The following CSMD1 variants were observed in gnomAD, a reference collection of about 807,000 sequenced individuals.
CSMD1 encodes the protein CUB and Sushi multiple domains 1.
In CSMD1, 213 loss-of-function variants were observed where a neutral mutation model predicts 417.5. That is an observed-to-expected ratio of 0.51 (90% CI 0.46 to 0.57). CSMD1 has a LOEUF of 0.57. Among genes scored for constraint, CSMD1 ranks in the 20% least tolerant of loss-of-function variants. CSMD1 has a pLI of 0.00. For missense variants in CSMD1, 6,923 were observed against 4,529.7 expected, an observed-to-expected ratio of 1.53 and a Z score of -15.17; for synonymous variants, 2,862 against 1,736.8, an observed-to-expected ratio of 1.65 and a Z score of -16.11.
At chr8:4,262,503 G>T (rs1803958838) in intron 3 of CSMD1, among the ~76,000 whole-genome samples, 1 of 152,076 alleles carries the variant, frequency 6.6e-6, no homozygotes, top group Non-Finnish European at 1.5e-5. Context: ...TTTGCTGGTG[G>T]GCTGATTTTT....
intron 12 of CSMD1, among the ~76,000 whole-genome samples, chr8:3,439,281 GTATATATA>G (rs1168340584): frequency 7.4e-5 from 4 of 54,334 alleles, no homozygotes; most frequent in Admixed American, 7.3e-4. Context: ...GGCAATGTCA[GTATATATA>G]TATATATATA....
At chr8:4,047,657 G>C (rs1798218182) in intron 3 of CSMD1, among the ~76,000 whole-genome samples, 1 of 151,968 alleles carries the variant, frequency 6.6e-6, no homozygotes. Context: ...AGTATATTTG[G>C]GGCATGCAGA....
intron 7 of CSMD1, among the ~76,000 whole-genome samples, chr8:3,632,701 C>G (rs1489903986): frequency 1.3e-5 from 2 of 152,152 alleles, no homozygotes; most frequent in East Asian, 3.9e-4. Context: ...TATTTAGGCA[C>G]AGGAATGACT....
intron 10 of CSMD1, among the ~76,000 whole-genome samples, chr8:3,548,181 C>G (rs1798756634): frequency 6.6e-6 from 1 of 152,098 alleles, no homozygotes; most frequent in Admixed American, 6.5e-5. Context: ...TTCCTGCAAC[C>G]TAGGATTCCT....
chr8:4,452,394 G>A (rs533565095), intron 2 of CSMD1, among the ~76,000 whole-genome samples: 1 of 152,166 alleles, frequency 6.6e-6, no homozygotes, highest in Non-Finnish European at 1.5e-5. Context: ...TCGAGGGCTT[G>A]GGGTTCAGAG....
intron 1 of CSMD1, among the ~76,000 whole-genome samples, chr8:4,973,536 C>T (rs1211778321): frequency 6.6e-6 from 1 of 152,104 alleles, no homozygotes; most frequent in Non-Finnish European, 1.5e-5. Context: ...CTACAGTTTA[C>T]TTCAGCTTAA....
chr8:3,895,050 T>C (rs1807262966), intron 5 of CSMD1, among the ~76,000 whole-genome samples: 2 of 152,180 alleles, frequency 1.3e-5, no homozygotes, highest in African/African-American at 4.8e-5. Flanking sequence ...TTGAATGGTA[T>C]AGGTGGAGTA....
intron 2 of CSMD1, among the ~76,000 whole-genome samples, chr8:4,588,577 CAGATCGAGACCAT>C (rs1037760249): frequency 3.3e-5 from 5 of 151,664 alleles, no homozygotes; most frequent in African/African-American, 9.7e-5. Context: ...GGCGGATCAG[CAGATCGAGACCAT>C]CCTGGTTAAC....
intron 10 of CSMD1, among the ~76,000 whole-genome samples, chr8:3,522,423 C>A (rs918783330): frequency 2.0e-5 from 3 of 152,096 alleles, no homozygotes; most frequent in African/African-American, 7.2e-5. Context: ...TTTGTATCTA[C>A]CAGCAGCTTC....
At chr8:4,085,090 A>C (rs1800350247) in intron 3 of CSMD1, among the ~76,000 whole-genome samples, 1 of 152,166 alleles carries the variant, frequency 6.6e-6, no homozygotes, top group Non-Finnish European at 1.5e-5. Context: ...TTTATAAATC[A>C]GGGAATATTG....
At chr8:3,022,999 G>A (rs74495891) in intron 51 of CSMD1, among the ~76,000 whole-genome samples, 18,443 of 152,230 alleles carry the variant, frequency 0.12, 1,448 homozygotes, top group East Asian at 0.26. Context: ...GATGTTAGCT[G>A]GGCATTGACT....
At chr8:3,652,969 C>A (rs11783239) in intron 7 of CSMD1, among the ~76,000 whole-genome samples, 7,670 of 152,212 alleles carry the variant, frequency 0.05, 250 homozygotes, top group South Asian at 0.084. Context: ...TGACTGCTTT[C>A]AAGTATAATT....
At chr8:3,729,534 G>A (rs527255864) in intron 6 of CSMD1, among the ~76,000 whole-genome samples, 1 of 152,164 alleles carries the variant, frequency 6.6e-6, no homozygotes, top group Non-Finnish European at 1.5e-5. Context: ...AAGAGGAATC[G>A]AAGTGGGCCT....
chr8:3,992,885 C>T (rs1585095337), intron 5 of CSMD1, among the ~76,000 whole-genome samples: 1 of 152,256 alleles, frequency 6.6e-6, no homozygotes, highest in African/African-American at 2.4e-5. Context: ...TAAACGATGT[C>T]ACTGCTTTTC....
intron 3 of CSMD1, among the ~76,000 whole-genome samples, chr8:4,349,929 A>G (rs1800992685): frequency 6.6e-6 from 1 of 151,648 alleles, no homozygotes; most frequent in African/African-American, 2.4e-5. Flanking sequence ...TATGACCTTT[A>G]TACTGCCAAA....
At chr8:4,965,035 A>C (rs1226639695) in intron 1 of CSMD1, among the ~76,000 whole-genome samples, 6 of 152,176 alleles carry the variant, frequency 3.9e-5, no homozygotes, top group Non-Finnish European at 8.8e-5. Context: ...ACGTTGCTTT[A>C]CTTTAAAGAA....
chr8:4,740,745 C>A (rs956785082), intron 1 of CSMD1, among the ~76,000 whole-genome samples: 1 of 152,008 alleles, frequency 6.6e-6, no homozygotes, highest in Non-Finnish European at 1.5e-5. Flanking sequence ...AGAGCAAGAT[C>A]CTGTCTCAAA....
At chr8:3,678,728 A>G (rs571789384) in intron 7 of CSMD1, among the ~76,000 whole-genome samples, 21 of 152,276 alleles carry the variant, frequency 1.4e-4, no homozygotes, top group African/African-American at 4.6e-4. Context: ...TCCAAGACAC[A>G]TAATTGTCAG....
intron 18 of CSMD1, among the ~76,000 whole-genome samples, chr8:3,382,156 G>A (rs1372594798): frequency 1.3e-5 from 2 of 152,006 alleles, no homozygotes; most frequent in Non-Finnish European, 2.9e-5. Flanking sequence ...CTGCTCGGGA[G>A]GCTGAGGCAG....
Sources: gnomAD v4.1 joint callset for allele counts (sites outside exome capture counted in the v4.1 genomes callset) on GRCh38, gnomAD v4.1.1 for gene constraint, MANE v1.5 for transcripts, NCBI Gene and HGNC (gene_info 2026-07-23, HGNC 2026-07-21) for gene names.